TOX: variants seen among roughly 807,000 people sequenced by gnomAD.
TOX encodes the protein thymocyte selection associated high mobility group box.
TOX carries 11 observed loss-of-function variants against 53.7 expected under a neutral mutation model. The ratio of observed to expected loss-of-function variants is 0.20; its 90% CI spans 0.13 to 0.34. TOX has a LOEUF of 0.34. Ranked by LOEUF, TOX falls within the 10% of genes least tolerant of loss-of-function variation. The pLI, the probability that TOX is intolerant of heterozygous loss-of-function variation, is 1.00. For missense variants in TOX, 570 were observed against 664.6 expected, an observed-to-expected ratio of 0.86 and a Z score of 1.56; for synonymous variants, 225 against 245.3, an observed-to-expected ratio of 0.92 and a Z score of 0.77.
At chr8:58,892,359 A>C (rs1006462149) in intron 3 of TOX, among the ~76,000 whole-genome samples, 1 of 152,110 alleles carries the variant, frequency 6.6e-6, no homozygotes, top group African/African-American at 2.4e-5. Context: ...TTTTTTCTCC[A>C]CTTAAAATAA....
At position 58,998,009 on chromosome 8, in the gene TOX, G is replaced by A. The variant is rs1178998871; in HGVS notation, c.103-38001C>T. On this transcript the variant is annotated intron_variant, in intron 1 of 8. Coordinates refer to ENST00000361421, the MANE Select transcript of TOX (RefSeq NM_014729.3). Reference sequence around the variant, plus strand: ...GGTTTTCACCATGTTAGCCAGGATGGTCTCGATCTCCTGACCTCGTGATCC... The same window carrying A: ...GGTTTTCACCATGTTAGCCAGGATGATCTCGATCTCCTGACCTCGTGATCC... Among the ~76,000 whole-genome samples, 7 of 152,114 alleles carry A rather than the reference G, an allele frequency of 4.6e-5. No homozygotes were observed. In the East Asian group the frequency reaches 1.4e-3, roughly 30 times the overall value.
intron 3 of TOX, among the ~76,000 whole-genome samples, chr8:58,910,504 G>A (rs926967760): frequency 7.9e-5 from 12 of 152,180 alleles, no homozygotes; most frequent in African/African-American, 2.4e-5. Context: ...AACCGGCCAT[G>A]TATGCAATGG....
intron 4 of TOX, among the ~76,000 whole-genome samples, chr8:58,843,062 C>A (rs2594962): frequency 0.98 from 149,430 of 152,356 alleles, 73,308 homozygotes; most frequent in East Asian, 1. Context: ...GCACTAGACT[C>A]TAAAGCTATG....
intron 2 of TOX, among the ~76,000 whole-genome samples, chr8:58,948,570 C>G (rs1367309427): frequency 1.3e-5 from 2 of 152,184 alleles, no homozygotes; most frequent in African/African-American, 4.8e-5. Context: ...AGACCAGATT[C>G]AAGTGAAAGG....
chr8:59,026,309 T>C (rs1451168191), intron 1 of TOX, among the ~76,000 whole-genome samples: 1 of 152,052 alleles, frequency 6.6e-6, no homozygotes, highest in Non-Finnish European at 1.5e-5. Context: ...TTTTAGTAAC[T>C]AGCAAAGTCA....
intron 3 of TOX, among the ~76,000 whole-genome samples, chr8:58,898,752 C>G (rs540232229): frequency 6.6e-6 from 1 of 152,280 alleles, no homozygotes; most frequent in Admixed American, 6.5e-5. Flanking sequence ...AGGGGTGAAT[C>G]CCACGAGGAC....
intron 1 of TOX, among the ~76,000 whole-genome samples, chr8:59,101,166 G>A (rs2129424388): frequency 6.6e-6 from 1 of 152,246 alleles, no homozygotes; most frequent in Admixed American, 6.5e-5. Flanking sequence ...TAGTATTTAG[G>A]TCAAATATTA....
chr8:59,036,890 C>T (rs1056654716), intron 1 of TOX, among the ~76,000 whole-genome samples: 2 of 152,106 alleles, frequency 1.3e-5, no homozygotes, highest in African/African-American at 2.4e-5. Flanking sequence ...AAAACATAGA[C>T]CCCGTGTGTG....
At chr8:58,999,552 G>A (rs549769769) in intron 1 of TOX, among the ~76,000 whole-genome samples, 1 of 152,288 alleles carries the variant, frequency 6.6e-6, no homozygotes, top group Non-Finnish European at 1.5e-5. Flanking sequence ...ACTACTGAGG[G>A]CATATTTTGA....
chr8:59,067,788 C>T (rs183092253), intron 1 of TOX, among the ~76,000 whole-genome samples: 454 of 152,082 alleles, frequency 3.0e-3, no homozygotes, highest in African/African-American at 9.9e-3. Flanking sequence ...AAAACGAAGA[C>T]TCCATTTTAC....
intron 1 of TOX, among the ~76,000 whole-genome samples, chr8:59,003,445 C>A (rs951708650): frequency 6.6e-6 from 1 of 152,044 alleles, no homozygotes; most frequent in Admixed American, 6.6e-5. Flanking sequence ...GGGATTTTAA[C>A]GAGTGACATA....
At chr8:58,849,651 G>T (rs536683194) in intron 4 of TOX, among the ~76,000 whole-genome samples, 35 of 152,212 alleles carry the variant, frequency 2.3e-4, no homozygotes, top group African/African-American at 7.9e-4. Context: ...ATTGTAATTA[G>T]GAATAATCCG....
rs114601457 is a variant in TOX, at chr8:58,951,550, G to C, written c.168+8393C>G. Reference sequence around the variant, plus strand: ...CCTTGAAGGCAATTTCTGTTGACCCGGTCTCACCTGGCATCCCTATTTTCC... The same window carrying C: ...CCTTGAAGGCAATTTCTGTTGACCCCGTCTCACCTGGCATCCCTATTTTCC... On this transcript the variant is annotated intron_variant, in intron 2 of 8. Coordinates refer to ENST00000361421, the MANE Select transcript of TOX (RefSeq NM_014729.3). 8.1e-3 allele frequency among the ~76,000 whole-genome samples: 1,025 copies of C among 126,918 alleles called. 15 individuals are homozygous for C. Among genetic ancestry groups the C allele is most frequent in the African/African-American group, 0.028 (986 of 35,582 alleles). The allele number at this position is 126,918 out of a possible 152,430, so 83.3% of individuals were successfully genotyped here.
chr8:59,007,050 C>A (rs1813803288), intron 1 of TOX, among the ~76,000 whole-genome samples: 1 of 152,154 alleles, frequency 6.6e-6, no homozygotes, highest in Non-Finnish European at 1.5e-5. Flanking sequence ...TCCTTGTCTG[C>A]AAAGTTTAAG....
intron 1 of TOX, among the ~76,000 whole-genome samples, chr8:58,994,199 G>C (rs1347850978): frequency 6.6e-6 from 1 of 152,202 alleles, no homozygotes; most frequent in Non-Finnish European, 1.5e-5. Flanking sequence ...AGTCTGCATG[G>C]AGTGGTGTAG....
intron 3 of TOX, among the ~76,000 whole-genome samples, chr8:58,867,941 G>A (rs1297293262): frequency 6.6e-6 from 1 of 152,168 alleles, no homozygotes; most frequent in African/African-American, 2.4e-5. Context: ...TCTCCCAAGA[G>A]AGTTTTGTCT....
At chr8:58,972,198 G>A (rs1813014687) in intron 1 of TOX, among the ~76,000 whole-genome samples, 1 of 152,088 alleles carries the variant, frequency 6.6e-6, no homozygotes, top group Non-Finnish European at 1.5e-5. Flanking sequence ...TATTTACTCT[G>A]TATGTGCACA....
intron 1 of TOX, among the ~76,000 whole-genome samples, chr8:59,025,012 A>G (rs1044825927): frequency 1.3e-5 from 2 of 152,222 alleles, no homozygotes; most frequent in African/African-American, 4.8e-5. Flanking sequence ...GCTTTAAGAA[A>G]GTTCAATCTC....
At chr8:58,904,119 C>A (rs1454868407) in intron 3 of TOX, among the ~76,000 whole-genome samples, 1 of 152,000 alleles carries the variant, frequency 6.6e-6, no homozygotes, top group Non-Finnish European at 1.5e-5. Context: ...GAAAAGTGTT[C>A]AAATACACTT....
Sources: allele counts gnomAD v4.1 joint callset (sites outside exome capture counted in the v4.1 genomes callset), GRCh38; gene constraint gnomAD v4.1.1; transcripts MANE v1.5; gene names NCBI Gene and HGNC (gene_info 2026-07-23, HGNC 2026-07-21).